The following GRM5 variants were observed in gnomAD, a reference collection of about 807,000 sequenced individuals.
GRM5 encodes the protein glutamate metabotropic receptor 5.
GRM5 carries 19 observed loss-of-function variants against 83.1 expected under a neutral mutation model. That is an observed-to-expected ratio of 0.23 (90% CI 0.16 to 0.34). The LOEUF is 0.34. Ranked by LOEUF, GRM5 falls within the 10% of genes least tolerant of loss-of-function variation. The probability of loss-of-function intolerance (pLI) is 1.00; values close to 1 mark genes in which losing one functional copy is unlikely to be tolerated. For missense variants in GRM5, 1,160 were observed against 1,588.3 expected (o/e 0.73, Z 4.58); for synonymous variants, 675 against 633.6 (o/e 1.07, Z -0.98).
intron 3 of GRM5, among the ~76,000 whole-genome samples, chr11:88,656,726 G>T (rs776887281): frequency 3.9e-5 from 6 of 151,902 alleles, no homozygotes; most frequent in Non-Finnish European, 8.8e-5. Flanking sequence ...CTTCATAACT[G>T]TGGGTTCCAT....
At chr11:89,046,366 TA>T (rs1842390636) in intron 2 of GRM5, among the ~76,000 whole-genome samples, 1 of 152,132 alleles carries the variant, frequency 6.6e-6, no homozygotes. Flanking sequence ...TAGTGTTTAA[TA>T]TACACATTTT....
intron 3 of GRM5, among the ~76,000 whole-genome samples, chr11:88,662,144 C>T (rs1939923563): frequency 6.6e-6 from 1 of 152,068 alleles, no homozygotes; most frequent in South Asian, 2.1e-4. Context: ...TAAAGTTCTG[C>T]AGGCCTTAGA....
intron 3 of GRM5, among the ~76,000 whole-genome samples, chr11:88,786,256 G>A (rs757113239): frequency 6.6e-6 from 1 of 152,070 alleles, no homozygotes; most frequent in Non-Finnish European, 1.5e-5. Flanking sequence ...AATTTGATAG[G>A]TAAGAGTCAT....
intron 2 of GRM5, among the ~76,000 whole-genome samples, chr11:88,928,096 A>T (rs1308037038): frequency 6.6e-6 from 1 of 152,128 alleles, no homozygotes; most frequent in Non-Finnish European, 1.5e-5. Context: ...GATTATGTGC[A>T]GCGTTTCACA....
rs1202691857 is a variant in GRM5 at position 88,988,895 on chromosome 11, G to T, written c.661+58317C>A. On this transcript the variant is annotated intron_variant, in intron 2 of 9. Transcript: ENST00000305447. Reference sequence around the variant, plus strand: ...TGGAAAGGAACAACCGGTACCAGCCGCTGCAAAATCATGCCAAAATGTAAA... The same window carrying T: ...TGGAAAGGAACAACCGGTACCAGCCTCTGCAAAATCATGCCAAAATGTAAA... Among the ~76,000 whole-genome samples the T allele has an allele frequency of 2.1e-5, 3 of 142,644 alleles. No individual in the cohort carries two copies. The East Asian group carries it at 6.1e-4, about 29-fold the overall frequency. 93.6% of individuals were successfully genotyped at this position (142,644 alleles called of 152,430 possible).
intron 2 of GRM5, among the ~76,000 whole-genome samples, chr11:89,024,212 T>C (rs1366189335): frequency 1.3e-5 from 2 of 152,200 alleles, no homozygotes; most frequent in Admixed American, 1.3e-4. Flanking sequence ...AGACTCTATC[T>C]TAATAAATAA....
chr11:88,723,748 T>C (rs557344922), intron 3 of GRM5, among the ~76,000 whole-genome samples: 1 of 152,142 alleles, frequency 6.6e-6, no homozygotes, highest in Non-Finnish European at 1.5e-5. Context: ...GCTCCTAGCA[T>C]GATCCTTATC....
At chr11:88,848,615 A>C (rs772170737) in intron 3 of GRM5, among the ~76,000 whole-genome samples, 1 of 152,182 alleles carries the variant, frequency 6.6e-6, no homozygotes, top group Non-Finnish European at 1.5e-5. Flanking sequence ...TGCAATGAAG[A>C]AGCAGCTTCC....
intron 2 of GRM5, among the ~76,000 whole-genome samples, chr11:88,888,846 C>A (rs531942337): frequency 8.7e-4 from 132 of 152,254 alleles, no homozygotes; most frequent in Non-Finnish European, 1.4e-3. Flanking sequence ...AGACCCAGGA[C>A]CCCCTAAGCC....
intron 8 of GRM5, among the ~76,000 whole-genome samples, chr11:88,551,167 T>A (rs1011618313): frequency 6.6e-6 from 1 of 152,166 alleles, no homozygotes; most frequent in African/African-American, 2.4e-5. Flanking sequence ...GTTCAGTGAA[T>A]GTCTATGTGG....
intron 2 of GRM5, among the ~76,000 whole-genome samples, chr11:88,882,705 C>T (rs1944980746): frequency 6.6e-6 from 1 of 152,026 alleles, no homozygotes; most frequent in African/African-American, 2.4e-5. Flanking sequence ...TCATTGAATT[C>T]AAGATCAAAC....
chr11:88,924,805 AAGT>A (rs1945758139), intron 2 of GRM5, among the ~76,000 whole-genome samples: 1 of 151,926 alleles, frequency 6.6e-6, no homozygotes, highest in Admixed American at 6.6e-5. Context: ...TTTGCTAAGA[AAGT>A]AGATTTTAGG....
chr11:88,762,482 T>C (rs891709047), intron 3 of GRM5, among the ~76,000 whole-genome samples: 1 of 142,218 alleles, frequency 7.0e-6, no homozygotes, highest in Non-Finnish European at 1.5e-5. Flanking sequence ...CACAATGAGA[T>C]ACCATCTCAC....
chr11:88,997,624 T>C (rs1940231779), intron 2 of GRM5, among the ~76,000 whole-genome samples: 2 of 151,856 alleles, frequency 1.3e-5, no homozygotes, highest in South Asian at 4.1e-4. Flanking sequence ...GCAACATCAA[T>C]ACAGAGCCTT....
chr11:88,607,607 G>T (rs1938192559), intron 4 of GRM5, among the ~76,000 whole-genome samples: 1 of 152,176 alleles, frequency 6.6e-6, no homozygotes, highest in African/African-American at 2.4e-5. Flanking sequence ...CAAAGTCCTT[G>T]CAATGGCCTT....
chr11:88,912,174 C>T (rs1206935330), intron 2 of GRM5: 1 of 198,170 alleles, frequency 5.0e-6, no homozygotes, highest in Non-Finnish European at 1.2e-5. Flanking sequence ...TCAAAAATAA[C>T]ATTGTTATTT....
intron 3 of GRM5, among the ~76,000 whole-genome samples, chr11:88,765,512 A>G (rs994394371): frequency 6.6e-6 from 1 of 151,680 alleles, no homozygotes; most frequent in Admixed American, 6.6e-5. Context: ...ATGGAATAGA[A>G]CAGAGAGCCT....
chr11:88,717,642 A>G (rs554082630), intron 3 of GRM5, among the ~76,000 whole-genome samples: 2 of 151,888 alleles, frequency 1.3e-5, no homozygotes, highest in Admixed American at 1.3e-4. Context: ...TCGTTCTACA[A>G]CTATGTAATT....
intron 2 of GRM5, among the ~76,000 whole-genome samples, chr11:88,998,732 A>G (rs1339640673): frequency 6.6e-6 from 1 of 152,206 alleles, no homozygotes; most frequent in Non-Finnish European, 1.5e-5. Flanking sequence ...GAGTTCAGCA[A>G]AGCTTCAGTA....
Sources: allele counts gnomAD v4.1 joint callset (sites outside exome capture counted in the v4.1 genomes callset), GRCh38; gene constraint gnomAD v4.1.1; transcripts MANE v1.5; gene names NCBI Gene and HGNC (gene_info 2026-07-23, HGNC 2026-07-21).